Variants in RIMS2 observed in about 807,000 individuals in gnomAD.
The protein encoded by RIMS2 is regulating synaptic membrane exocytosis 2.
In RIMS2, 59 loss-of-function variants were observed where a neutral mutation model predicts 174.4. That is an observed-to-expected ratio of 0.34 (90% confidence interval 0.27 to 0.42). The LOEUF is 0.42. Ranked by LOEUF, RIMS2 falls within the 10% of genes least tolerant of loss-of-function variation. The probability of loss-of-function intolerance (pLI) is 1.00; values close to 1 mark genes in which losing one functional copy is unlikely to be tolerated. For missense variants in RIMS2, 1,620 were observed against 1,666.3 expected (o/e 0.97, Z 0.48); for synonymous variants, 606 against 572.5 (o/e 1.06, Z -0.84).
chr8:104,231,961 C>G (rs963437750), intron 19 of RIMS2, among the ~76,000 whole-genome samples: 2 of 152,320 alleles, frequency 1.3e-5, no homozygotes, highest in Admixed American at 1.3e-4. Context: ...GAACATTTCT[C>G]TCATTCACAG....
chr8:104,130,034 A>G (rs957453913), intron 19 of RIMS2, among the ~76,000 whole-genome samples: 1 of 152,218 alleles, frequency 6.6e-6, no homozygotes, highest in African/African-American at 2.4e-5. Flanking sequence ...TTACGTTACT[A>G]GGAGTTTTCA....
chr8:103,505,151 C>G (rs1694011974), intron 1 of RIMS2, among the ~76,000 whole-genome samples: 2 of 151,916 alleles, frequency 1.3e-5, no homozygotes, highest in South Asian at 4.2e-4. Flanking sequence ...ACCCGCAGCC[C>G]CCAAATTTCT....
intron 19 of RIMS2, among the ~76,000 whole-genome samples, chr8:104,061,309 C>T (rs964829093): frequency 2.0e-5 from 3 of 151,960 alleles, no homozygotes; most frequent in Non-Finnish European, 2.9e-5. Flanking sequence ...TGAATTGATC[C>T]CTTTACCATT....
intron 19 of RIMS2, among the ~76,000 whole-genome samples, chr8:104,215,451 A>G (rs1164630315): frequency 6.6e-6 from 1 of 152,242 alleles, no homozygotes; most frequent in Non-Finnish European, 1.5e-5. Flanking sequence ...TAAATAAGGA[A>G]AAGTGTAAAT....
rs181360394 is a variant in RIMS2, at chr8:103,572,096, G to A, written c.176+71034G>A. Among the ~76,000 whole-genome samples the A allele has an allele frequency of 7.8e-4, 119 of 152,212 alleles. 1 individual carries two copies. The highest frequency in any genetic ancestry group is 2.5e-3 in the African/African-American group (103 of 41,534). On this transcript the variant is annotated intron_variant, in intron 1 of 23. Coordinates refer to ENST00000504942, the Ensembl canonical transcript of RIMS2. Reference sequence around the variant, plus strand: ...GGTGTGTCAGGAGTTTGTTCCTTCCGATGTTCAGAAGTGTCTGGAGTTTCT... The same window carrying A: ...GGTGTGTCAGGAGTTTGTTCCTTCCAATGTTCAGAAGTGTCTGGAGTTTCT...
intron 15 of RIMS2, among the ~76,000 whole-genome samples, chr8:103,964,617 T>C (rs1427382408): frequency 6.6e-5 from 10 of 152,162 alleles, no homozygotes; most frequent in African/African-American, 2.4e-4. Context: ...CTGTGGCTTC[T>C]TAAAGCAGGG....
chr8:103,957,715 C>A (rs1252700887), intron 14 of RIMS2, among the ~76,000 whole-genome samples: 1 of 152,034 alleles, frequency 6.6e-6, no homozygotes, highest in Non-Finnish European at 1.5e-5. Flanking sequence ...ATGTAACAAA[C>A]CTGCACGTTG....
intron 11 of RIMS2, among the ~76,000 whole-genome samples, chr8:103,929,364 A>T (rs1427208107): frequency 6.6e-6 from 1 of 151,796 alleles, no homozygotes; most frequent in Non-Finnish European, 1.5e-5. Context: ...AAAAATGTTG[A>T]TGGTGGAGAT....
At chr8:103,820,233 A>G (rs1286652325) in intron 3 of RIMS2, among the ~76,000 whole-genome samples, 6 of 152,070 alleles carry the variant, frequency 3.9e-5, no homozygotes, top group Non-Finnish European at 8.8e-5. Context: ...TTATGAACAT[A>G]TCTCTCAGAT....
intron 1 of RIMS2, among the ~76,000 whole-genome samples, chr8:103,524,256 TTGGAA>T (rs898359315): frequency 1.3e-5 from 2 of 151,328 alleles, no homozygotes; most frequent in African/African-American, 4.9e-5. Context: ...GTATAGAGAA[TTGGAA>T]TGGATGAATG....
chr8:103,912,052 G>A lies in RIMS2; in HGVS notation c.1693-1G>A. ...TTTTGTTTGTTGATGCAAAATGTCAGCACCCTGTAACCTGGCAACCATCTA... is the reference window on the plus strand; with the variant it reads ...TTTTGTTTGTTGATGCAAAATGTCAACACCCTGTAACCTGGCAACCATCTA... On this transcript the variant is annotated splice_acceptor_variant, in intron 5 of 23. Transcript: ENST00000504942. LOFTEE classifies it high-confidence loss of function. 1.9e-6 allele frequency: 3 copies of A among 1,566,028 alleles called. No homozygotes were observed. The highest frequency in any genetic ancestry group is 1.2e-5 in the South Asian group (1 of 82,128).
rs370860624 is a variant in RIMS2 at position 103,774,531 on chromosome 8, A to C, written c.698+7994A>C. Among the ~76,000 whole-genome samples the C allele has an allele frequency of 3.9e-5, 6 of 152,198 alleles. No individual in the cohort carries two copies. The South Asian group carries it at 8.3e-4, about 21-fold the overall frequency. On this transcript the variant is annotated intron_variant, in intron 3 of 23. Transcript: ENST00000504942. Reference sequence around the variant, plus strand: ...AGTGAGGGAACTATTTACATGCACAAAAACATGGATAAATCTCAAAATCAT... The same window carrying C: ...AGTGAGGGAACTATTTACATGCACACAAACATGGATAAATCTCAAAATCAT...
intron 15 of RIMS2, among the ~76,000 whole-genome samples, chr8:103,969,811 G>A (rs55844229): frequency 0.12 from 18,943 of 152,092 alleles, 1,614 homozygotes; most frequent in Non-Finnish European, 0.19. Context: ...GCAGTGGCAC[G>A]ATCCCAACTC....
chr8:104,009,139 G>A (rs1040692562), intron 17 of RIMS2, among the ~76,000 whole-genome samples: 1 of 151,658 alleles, frequency 6.6e-6, no homozygotes, highest in African/African-American at 2.4e-5. Flanking sequence ...ATACAAATAT[G>A]TATATATGCT....
intron 19 of RIMS2, among the ~76,000 whole-genome samples, chr8:104,155,629 G>A (rs181785718): frequency 6.6e-6 from 1 of 151,034 alleles, no homozygotes; most frequent in African/African-American, 2.4e-5. Flanking sequence ...TAGCCAGGGT[G>A]GTCTTGATCT....
intron 19 of RIMS2, among the ~76,000 whole-genome samples, chr8:104,184,725 A>G (rs1284801911): frequency 6.6e-6 from 1 of 151,594 alleles, no homozygotes; most frequent in Admixed American, 6.6e-5. Flanking sequence ...CAGTAAAAAA[A>G]TCAAGATAAC....
intron 1 of RIMS2, among the ~76,000 whole-genome samples, chr8:103,614,931 C>T (rs2095471133): frequency 6.6e-6 from 1 of 152,160 alleles, no homozygotes; most frequent in African/African-American, 2.4e-5. Flanking sequence ...ACATATTAAA[C>T]TTTTGACTTT....
exon 10 of RIMS2, chr8:103,921,721 T>C (rs2077701375): frequency 2.5e-6 from 4 of 1,580,936 alleles, no homozygotes; most frequent in Non-Finnish European, 3.5e-6. Flanking sequence ...CTATTTCTGT[T>C]ACCTCTCCCA....
intron 1 of RIMS2, among the ~76,000 whole-genome samples, chr8:103,561,456 G>C (rs932724045): frequency 1.3e-5 from 2 of 152,122 alleles, no homozygotes; most frequent in African/African-American, 4.8e-5. Flanking sequence ...TATTGCTTCT[G>C]TAATGATTAA....
Sources: gnomAD v4.1 joint callset for allele counts (sites outside exome capture counted in the v4.1 genomes callset) on GRCh38, gnomAD v4.1.1 for gene constraint, MANE v1.5 for transcripts, NCBI Gene and HGNC (gene_info 2026-07-23, HGNC 2026-07-21) for gene names.